Variants in ATG3 observed in about 807,000 individuals in gnomAD.
The protein encoded by ATG3 is ubiquitin-like-conjugating enzyme ATG3.
ATG3 carries 25 observed loss-of-function variants against 50.7 expected under a neutral mutation model. The ratio of observed to expected loss-of-function variants is 0.49; its 90% confidence interval spans 0.36 to 0.69. The LOEUF (loss-of-function observed/expected upper bound fraction) is 0.69, where lower values mean the gene tolerates loss of function less well. Among genes scored for constraint, ATG3 ranks in the 30% least tolerant of loss-of-function variants. ATG3 has a pLI of 0.00. For synonymous variants in ATG3, 119 were observed against 125.5 expected (o/e 0.95, Z 0.34); for missense variants, 281 against 376.0 (o/e 0.75, Z 2.09).
At chr3:112,543,509 G>A (rs1019977669) in intron 6 of ATG3, among the ~76,000 whole-genome samples, 15 of 152,046 alleles carry the variant, frequency 9.9e-5, no homozygotes, top group Non-Finnish European at 2.1e-4. Context: ...TTTGAATGAT[G>A]CAAGCTAAAG....
chr3:112,550,890 A>C (rs181897050), intron 3 of ATG3, among the ~76,000 whole-genome samples: 9 of 152,346 alleles, frequency 5.9e-5, no homozygotes, highest in Non-Finnish European at 1.0e-4. Context: ...TCATAACTCT[A>C]AACAGTAGAA....
At chr3:112,539,564 C>T (rs1011519805) in intron 7 of ATG3, among the ~76,000 whole-genome samples, 13 of 152,132 alleles carry the variant, frequency 8.5e-5, no homozygotes, top group African/African-American at 2.7e-4. Context: ...CCCCTTTCTT[C>T]CTTTATTTTT....
chr3:112,549,307 A>ATT (rs141036983), intron 4 of ATG3, among the ~76,000 whole-genome samples: 3 of 152,000 alleles, frequency 2.0e-5, no homozygotes, highest in African/African-American at 7.3e-5. Context: ...TAATCTCCTG[A>ATT]TTTTTTTAAA....
chr3:112,552,547 T>C lies in ATG3; in HGVS notation c.164+733A>G, dbSNP rs1035690165. ...AACCTAACAGAAAACGTTTATGTTT[T>C]ATATTTTAAAGAACATAAAACTGCA... On this transcript the variant is annotated intron_variant, in intron 3 of 11. Coordinates refer to ENST00000283290, the MANE Select transcript of ATG3 (RefSeq NM_022488.5). Among the ~76,000 whole-genome samples the C allele has an allele frequency of 3.3e-5, 5 of 151,930 alleles. No homozygotes were observed. In the East Asian group the frequency reaches 7.7e-4, roughly 23 times the overall value.
At chr3:112,549,917 C>T (rs1209758285) in intron 4 of ATG3, among the ~76,000 whole-genome samples, 2 of 151,616 alleles carry the variant, frequency 1.3e-5, no homozygotes, top group African/African-American at 4.8e-5. Flanking sequence ...GTATGAATTT[C>T]ATTTGCCATG....
chr3:112,554,951 C>T (rs1160703984), intron 2 of ATG3, among the ~76,000 whole-genome samples: 2 of 152,074 alleles, frequency 1.3e-5, no homozygotes, highest in African/African-American at 4.8e-5. Flanking sequence ...AAAATAAAAA[C>T]AATAGTCTCT....
chr3:112,556,759 G>A (rs1933693923), intron 2 of ATG3, among the ~76,000 whole-genome samples: 1 of 151,950 alleles, frequency 6.6e-6, no homozygotes, highest in Non-Finnish European at 1.5e-5. Context: ...CATGTGCTGT[G>A]TCCACTCAGG....
intron 10 of ATG3, 188 bp downstream of exon 10, chr3:112,536,287 G>A (rs1337723733): frequency 3.4e-6 from 2 of 595,414 alleles, no homozygotes; most frequent in Non-Finnish European, 5.3e-6. Context: ...AAACAAATTG[G>A]TAAGTTTTTT....
intron 1 of ATG3, among the ~76,000 whole-genome samples, chr3:112,560,653 A>T (rs1933832764): frequency 6.6e-6 from 1 of 152,192 alleles, no homozygotes. Flanking sequence ...AGAAAGCAAA[A>T]ATGAAGTTAC....
rs140554352 is a variant in ATG3, at chr3:112,549,535, G to A, written c.235+657C>T. 5.3e-5 allele frequency among the ~76,000 whole-genome samples: 8 copies of A among 151,914 alleles called. No individual in the cohort carries two copies. The East Asian group carries it at 5.8e-4, about 11-fold the overall frequency. ...AAAACACTACCTGTTTCAGCCAGGC[G>A]CGGTGGCTCACACCTGTAATCCCAG... is the stretch of plus-strand genomic sequence containing the variant. On this transcript the variant is annotated intron_variant, in intron 4 of 11. Coordinates refer to ENST00000283290, the MANE Select transcript of ATG3 (RefSeq NM_022488.5).
rs1326830950 is a variant in ATG3 at position 112,534,254 on chromosome 3, T to C, written c.863+15A>G. 5 of 1,595,762 alleles carry C rather than the reference T, an allele frequency of 3.1e-6. No homozygotes were observed. The highest frequency in any genetic ancestry group is 1.7e-5 in the Admixed American group (1 of 57,664). On this transcript the variant is annotated intron_variant, in intron 11 of 11. Coordinates refer to ENST00000283290, the MANE Select transcript of ATG3 (RefSeq NM_022488.5). Reference sequence around the variant, plus strand: ...CAGCCATTTTGCCACTAATCTTACATACAGGGAAGGATACATATGAACTCC... The same window carrying C: ...CAGCCATTTTGCCACTAATCTTACACACAGGGAAGGATACATATGAACTCC...
At position 112,532,677 on chromosome 3, in the gene ATG3, GATAGATTTT is replaced by G; in HGVS notation, c.*13_*21del. The G allele has an allele frequency of 6.6e-7, 1 of 1,507,188 alleles. No individual in the cohort carries two copies. Among genetic ancestry groups the G allele is most frequent in the Non-Finnish European group, 9.0e-7 (1 of 1,114,372 alleles). The allele number at this position is 1,507,188 out of a possible 1,614,324, so 93.4% of individuals were successfully genotyped here. A position where few individuals can be genotyped will look rare whatever the true frequency, so the allele number is the denominator to read the frequency against. The stretch of plus-strand genomic sequence containing the variant: ...TTTAAAAATCAGAACCAATAATTAG[GATAGATTTT>G]ATGCTCTCTTCATTACATTGTGAAG... On this transcript the variant is annotated 3_prime_UTR_variant, in exon 12 of 12. Coordinates refer to ENST00000283290, the MANE Select transcript of ATG3 (RefSeq NM_022488.5).
chr3:112,538,195 CAACA>C lies in ATG3; in HGVS notation c.476-19_476-16del, dbSNP rs772294046. ...CTCTTCATATTCTGTTATAAAAAAA[CAACA>C]AAAGATTAATCAAGTTCAAGTTCAA... is the stretch of plus-strand genomic sequence containing the variant. On this transcript the variant is annotated splice_polypyrimidine_tract_variant and intron_variant, in intron 7 of 11. Transcript: ENST00000283290. 6.4e-7 allele frequency: 1 copy of C among 1,560,596 alleles called. No individual in the cohort carries two copies. Among genetic ancestry groups the C allele is most frequent in the Admixed American group, 1.9e-5 (1 of 53,884 alleles).
At chr3:112,548,081 C>A (rs1175147692) in intron 5 of ATG3, among the ~76,000 whole-genome samples, 1 of 152,142 alleles carries the variant, frequency 6.6e-6, no homozygotes, top group Non-Finnish European at 1.5e-5. Context: ...TGGCCGGGCG[C>A]AGTGGCTCAT....
At chr3:112,560,822 C>T (rs1272328167) in intron 1 of ATG3, among the ~76,000 whole-genome samples, 1 of 152,152 alleles carries the variant, frequency 6.6e-6, no homozygotes, top group Middle Eastern at 3.2e-3. Context: ...AAAAATTATA[C>T]AGCCAGGAAG....
chr3:112,557,037 T>C (rs1559849326), intron 2 of ATG3, among the ~76,000 whole-genome samples: 1 of 151,854 alleles, frequency 6.6e-6, no homozygotes, highest in Non-Finnish European at 1.5e-5. Flanking sequence ...AAAAAGAAAT[T>C]ACAGAAATAG....
Position 112,561,493 on chromosome 3 carries a change from T to G in ATG3, c.36A>C (p.Ala12=). ...GGGTCAGGTACTCAGCCACTTCCAG[T>G]GCCTTTCCCTTCACAGTATTAATCA... ...QNVINTVKGK[A]LEVAEYLTPV... Residue 12 remains alanine (A), a synonymous_variant, in exon 1 of 12, where the codon GCA becomes GCC. Coordinates refer to ENST00000283290, the MANE Select transcript of ATG3 (RefSeq NM_022488.5). 1 of 1,607,918 alleles carries G rather than the reference T, an allele frequency of 6.2e-7. No individual in the cohort carries two copies. The highest frequency in any genetic ancestry group is 1.7e-5 in the Admixed American group (1 of 59,844).
intron 5 of ATG3, among the ~76,000 whole-genome samples, chr3:112,545,773 T>C (rs1189105962): frequency 1.3e-5 from 2 of 152,200 alleles, no homozygotes; most frequent in Admixed American, 6.5e-5. Context: ...ATGACTCTAA[T>C]GAGAGTAATA....
Position 112,561,735 on chromosome 3 carries a change from T to C in ATG3, c.-207A>G, listed in dbSNP as rs1280525845. On this transcript the variant is annotated 5_prime_UTR_variant, in exon 1 of 12. Coordinates refer to ENST00000283290, the MANE Select transcript of ATG3 (RefSeq NM_022488.5). ...CAGCGCGCGAAGACGGGGTGCGCGA[T>C]CCTCGCACCCCAGGCAGCCCGCGAC... 3.5e-6 allele frequency: 2 copies of C among 564,754 alleles called. No homozygotes were observed. The highest frequency in any genetic ancestry group is 3.3e-5 in the East Asian group (1 of 30,556). 35.0% of individuals were successfully genotyped at this position (564,754 alleles called of 1,614,324 possible).
Sources: gnomAD v4.1 joint callset for allele counts (sites outside exome capture counted in the v4.1 genomes callset) on GRCh38, gnomAD v4.1.1 for gene constraint, MANE v1.5 for transcripts, NCBI Gene and HGNC (gene_info 2026-07-23, HGNC 2026-07-21) for gene names.